The following LINGO2 variants were observed in gnomAD, a reference collection of about 807,000 sequenced individuals.
The protein encoded by LINGO2 is leucine-rich repeat and immunoglobulin-like domain-containing nogo receptor-interacting protein 2.
A neutral mutation model predicts 30.6 loss-of-function variants in LINGO2; 14 were observed. The ratio of observed to expected loss-of-function variants is 0.46; its 90% CI spans 0.30 to 0.72. LINGO2 has a LOEUF of 0.72. LINGO2 is among the 30% of genes least tolerant of loss of function. The pLI is 0.07. For synonymous variants in LINGO2, 317 were observed against 288.5 expected (o/e 1.10, Z -1.00); for missense variants, 729 against 751.7 (o/e 0.97, Z 0.35).
chr9:29,165,875 G>C, the LINGO2 span, among the ~76,000 whole-genome samples: 6 of 152,014 alleles, frequency 3.9e-5, no homozygotes, highest in Non-Finnish European at 8.8e-5. Flanking sequence ...TTCTTCACAA[G>C]AATCCATCAA....
At chr9:28,142,741 C>T (rs370792666) in intron 4 of LINGO2, among the ~76,000 whole-genome samples, 7 of 152,140 alleles carry the variant, frequency 4.6e-5, no homozygotes, top group East Asian at 3.9e-4. Flanking sequence ...ATGATTCCAT[C>T]GGGTAGGTTA....
At chr9:29,122,953 T>A in the LINGO2 span, among the ~76,000 whole-genome samples, 1 of 152,056 alleles carries the variant, frequency 6.6e-6, no homozygotes, top group South Asian at 2.1e-4. Flanking sequence ...CACCTACAGA[T>A]CTTGTTAAAA....
At chr9:28,662,701 C>T (rs558860881) in intron 1 of LINGO2, among the ~76,000 whole-genome samples, 16 of 152,092 alleles carry the variant, frequency 1.1e-4, no homozygotes, top group Non-Finnish European at 1.6e-4. Flanking sequence ...CATTTTGTAG[C>T]GCTATAATGT....
the LINGO2 span, among the ~76,000 whole-genome samples, chr9:28,726,249 A>T: frequency 6.6e-6 from 1 of 152,150 alleles, no homozygotes; most frequent in South Asian, 2.1e-4. Flanking sequence ...TTTCTTTATG[A>T]ACATGAGTGG....
chr9:29,103,075 A>G, the LINGO2 span, among the ~76,000 whole-genome samples: 5 of 152,196 alleles, frequency 3.3e-5, no homozygotes, highest in Admixed American at 1.3e-4. Flanking sequence ...ATGAATTTCT[A>G]TATAGAAAAC....
intron 4 of LINGO2, among the ~76,000 whole-genome samples, chr9:28,038,087 A>G (rs947324054): frequency 6.6e-6 from 1 of 152,232 alleles, no homozygotes; most frequent in East Asian, 1.9e-4. Flanking sequence ...AGATTTTATG[A>G]AAGTTGGCTC....
At chr9:29,034,938 AAAG>A in the LINGO2 span, among the ~76,000 whole-genome samples, 2 of 152,256 alleles carry the variant, frequency 1.3e-5, no homozygotes, top group East Asian at 3.9e-4. Context: ...AAGGTGAACA[AAAG>A]TCAATGTGAA....
chr9:29,190,286 A>G, the LINGO2 span, among the ~76,000 whole-genome samples: 5 of 152,212 alleles, frequency 3.3e-5, no homozygotes, highest in Non-Finnish European at 5.9e-5. Flanking sequence ...TACAAAATAT[A>G]TGATTATAAT....
intron 2 of LINGO2, among the ~76,000 whole-genome samples, chr9:28,421,534 G>A (rs1339981484): frequency 1.3e-5 from 2 of 149,744 alleles, no homozygotes; most frequent in Non-Finnish European, 3.0e-5. Flanking sequence ...ATTTTAAAAT[G>A]TAGTACCATC....
At chr9:28,290,164 T>C (rs1479789993) in intron 4 of LINGO2, among the ~76,000 whole-genome samples, 4 of 152,136 alleles carry the variant, frequency 2.6e-5, no homozygotes, top group African/African-American at 9.7e-5. Flanking sequence ...ACAAGGCAGA[T>C]TGATAGAAGA....
chr9:28,848,050 T>C, the LINGO2 span, among the ~76,000 whole-genome samples: 1 of 21,296 alleles, frequency 4.7e-5, no homozygotes, highest in Admixed American at 6.2e-4. Flanking sequence ...ATATAGTATA[T>C]ATATATATAT....
At chr9:28,219,105 A>G (rs1294986783) in intron 4 of LINGO2, among the ~76,000 whole-genome samples, 12 of 152,148 alleles carry the variant, frequency 7.9e-5, no homozygotes, top group Non-Finnish European at 1.6e-4. Context: ...GAACCAGGAC[A>G]ACTTGACCCT....
chr9:29,029,686 A>G, the LINGO2 span, among the ~76,000 whole-genome samples: 2 of 152,124 alleles, frequency 1.3e-5, no homozygotes, highest in Non-Finnish European at 2.9e-5. Flanking sequence ...CACTTTGAAG[A>G]GAAATGTAAG....
At chr9:28,563,917 G>A (rs1823231993) in intron 1 of LINGO2, among the ~76,000 whole-genome samples, 1 of 152,022 alleles carries the variant, frequency 6.6e-6, no homozygotes, top group Non-Finnish European at 1.5e-5. Flanking sequence ...TCCTACCTAT[G>A]CATAACAATG....
At chr9:28,793,069 A>G in the LINGO2 span, among the ~76,000 whole-genome samples, 1 of 152,170 alleles carries the variant, frequency 6.6e-6, no homozygotes, top group Non-Finnish European at 1.5e-5. Flanking sequence ...TACTGGGACT[A>G]TGATGATCAA....
At chr9:28,319,170 C>T (rs1013446524) in intron 3 of LINGO2, among the ~76,000 whole-genome samples, 3 of 152,128 alleles carry the variant, frequency 2.0e-5, no homozygotes, top group Admixed American at 6.5e-5. Context: ...TCAAATTTAA[C>T]ACAATGTATA....
the LINGO2 span, among the ~76,000 whole-genome samples, chr9:28,748,246 T>A: frequency 0.7 from 107,006 of 151,818 alleles, 38,334 homozygotes; most frequent in Non-Finnish European, 0.77. Flanking sequence ...TCTTTGGTTG[T>A]ATTCAACTTT....
At chr9:28,984,572 G>A in the LINGO2 span, among the ~76,000 whole-genome samples, 1 of 152,012 alleles carries the variant, frequency 6.6e-6, no homozygotes, top group African/African-American at 2.4e-5. Context: ...CTGTTTGGAT[G>A]CTTTCCAGGA....
intron 4 of LINGO2, among the ~76,000 whole-genome samples, chr9:28,273,378 A>G (rs1285426917): frequency 6.6e-6 from 1 of 152,202 alleles, no homozygotes; most frequent in Non-Finnish European, 1.5e-5. Flanking sequence ...AATGGAATAG[A>G]GCTAAAATTT....
Sources: allele counts gnomAD v4.1 joint callset (sites outside exome capture counted in the v4.1 genomes callset), GRCh38; gene constraint gnomAD v4.1.1; transcripts MANE v1.5; gene names NCBI Gene and HGNC (gene_info 2026-07-23, HGNC 2026-07-21).